The following SHC4 variants were observed in gnomAD, a reference collection of about 807,000 sequenced individuals.
SHC4 encodes the protein SHC-transforming protein 4.
A neutral mutation model predicts 69.4 loss-of-function variants in SHC4; 41 were observed. The observed-to-expected ratio is 0.59, with a 90% CI of 0.46 to 0.77. The LOEUF (loss-of-function observed/expected upper bound fraction) is 0.77. Ranked by LOEUF, SHC4 falls within the 30% of genes least tolerant of loss-of-function variation. The pLI, the probability that SHC4 is intolerant of heterozygous loss-of-function variation, is 0.00. For synonymous variants in SHC4, 318 were observed against 299.3 expected, an observed-to-expected ratio of 1.06 and a Z score of -0.64; for missense variants, 777 against 783.8, an observed-to-expected ratio of 0.99 and a Z score of 0.10.
chr15:48,893,184 C>T (rs1268934356), intron 2 of SHC4, among the ~76,000 whole-genome samples: 1 of 152,106 alleles, frequency 6.6e-6, no homozygotes, highest in Non-Finnish European at 1.5e-5. Context: ...AAAGGATGAA[C>T]CTTCCTGGCA....
chr15:48,884,432 G>T, intron 3 of SHC4, 65 bp from the exon 4 acceptor site: 1 of 1,402,834 alleles, frequency 7.1e-7, no homozygotes, highest in Non-Finnish European at 9.4e-7. Context: ...AAATGTTAAT[G>T]TTTTTTAAAT....
At chr15:48,960,972 ATAAATG>A (rs1301527768) in intron 1 of SHC4, among the ~76,000 whole-genome samples, 2 of 152,134 alleles carry the variant, frequency 1.3e-5, no homozygotes, top group African/African-American at 2.4e-5. Context: ...CCACTGCTCC[ATAAATG>A]TTCACTACTC....
chr15:48,923,547 A>G (rs989803165), intron 2 of SHC4, among the ~76,000 whole-genome samples: 1,890 of 36,752 alleles, frequency 0.051, 16 homozygotes, highest in Non-Finnish European at 0.091. Flanking sequence ...TCTGTCTCAA[A>G]AAAAAAAAAA....
chr15:48,883,456 G>A (rs1567060935), intron 4 of SHC4, among the ~76,000 whole-genome samples: 1 of 152,172 alleles, frequency 6.6e-6, no homozygotes. Context: ...ATTAAACCTT[G>A]ATCAACAGCA....
At chr15:48,826,706 T>C (rs1030634586) in intron 11 of SHC4, among the ~76,000 whole-genome samples, 2 of 152,202 alleles carry the variant, frequency 1.3e-5, no homozygotes, top group Non-Finnish European at 2.9e-5. Flanking sequence ...ACTATTTAAC[T>C]GGTTTGTATA....
intron 5 of SHC4, among the ~76,000 whole-genome samples, chr15:48,868,841 AAAAAG>A (rs1294463532): frequency 6.6e-6 from 1 of 152,232 alleles, no homozygotes; most frequent in Non-Finnish European, 1.5e-5. Context: ...TCTCTTACGC[AAAAAG>A]AAAAAAGGTT....
intron 8 of SHC4, among the ~76,000 whole-genome samples, chr15:48,854,795 C>A (rs1470219098): frequency 6.6e-6 from 1 of 152,090 alleles, no homozygotes; most frequent in Non-Finnish European, 1.5e-5. Flanking sequence ...AAGATGGCAA[C>A]AATTGACACT....
chr15:48,836,989 C>T (rs886109459), intron 10 of SHC4, among the ~76,000 whole-genome samples: 6 of 152,184 alleles, frequency 3.9e-5, no homozygotes, highest in African/African-American at 1.2e-4. Context: ...GTGCTGCCTG[C>T]TTTCAGGCAC....
At position 48,892,763 on chromosome 15, in the gene SHC4, T is replaced by C. The variant is rs928440168; in HGVS notation, c.657-1952A>G. 2.0e-5 allele frequency among the ~76,000 whole-genome samples: 3 copies of C among 151,054 alleles called. No individual in the cohort carries two copies. The Admixed American group carries it at 2.0e-4, about 10-fold the overall frequency. On this transcript the variant is annotated intron_variant, in intron 2 of 11. Transcript: ENST00000332408. ...CAGTAATCCCAGCTACTTGGGAGGC[T>C]GAGGCAGGAGAATCTCTTGAAGCCG... is the stretch of plus-strand genomic sequence containing the variant.
intron 2 of SHC4, among the ~76,000 whole-genome samples, chr15:48,901,572 C>T (rs1373703641): frequency 6.6e-6 from 1 of 152,098 alleles, no homozygotes. Flanking sequence ...ATACTATGTA[C>T]ATGAAACAGT....
Position 48,962,595 on chromosome 15 carries a change from C to T in SHC4, c.421G>A (p.Gly141Arg), listed in dbSNP as rs1901562624. Residue 141 changes from glycine to arginine, a missense_variant, in exon 1 of 12, where the codon GGG becomes AGG. By Grantham distance (125) the Gly-to-Arg change is moderately radical. Transcript: ENST00000332408. ...TCCTGCTGCGGTGGAGGTGCAGTCC[C>T]GGACCTACTTAAACTGGTTTCTGGG... The part of the protein sequence containing the change: ...SSPETSLSRS[G>R]TAPPPQQDLV... 2 of 1,613,648 alleles carry T rather than the reference C, an allele frequency of 1.2e-6. No individual in the cohort carries two copies. Among genetic ancestry groups the T allele is most frequent in the Non-Finnish European group, 1.7e-6 (2 of 1,179,776 alleles).
At chr15:48,922,046 G>A (rs7164843) in intron 2 of SHC4, among the ~76,000 whole-genome samples, 35,954 of 152,064 alleles carry the variant, frequency 0.24, 4,596 homozygotes, top group Non-Finnish European at 0.27. Context: ...AAGTAAACAT[G>A]CAATATTTTA....
chr15:48,876,769 C>T (rs896921303), intron 4 of SHC4: 15 of 454,392 alleles, frequency 3.3e-5, no homozygotes, highest in Non-Finnish European at 5.7e-5. Flanking sequence ...TGTGCCCAAC[C>T]AGATTAAGGG....
intron 4 of SHC4, chr15:48,877,978 A>G: frequency 1.8e-6 from 1 of 565,580 alleles, no homozygotes; most frequent in Non-Finnish European, 2.9e-6. Flanking sequence ...ACGTAGCTCA[A>G]AAGGCGACGC....
chr15:48,922,421 T>C (rs1017305020), intron 2 of SHC4, among the ~76,000 whole-genome samples: 1 of 152,148 alleles, frequency 6.6e-6, no homozygotes, highest in African/African-American at 2.4e-5. Context: ...ATAATAGAAA[T>C]GTATTTCTTA....
intron 2 of SHC4, among the ~76,000 whole-genome samples, chr15:48,911,242 G>T (rs570771157): frequency 7.9e-5 from 12 of 152,050 alleles, no homozygotes; most frequent in Non-Finnish European, 1.6e-4. Context: ...AAATTTGGGA[G>T]CTCCAGTGTT....
At chr15:48,943,838 A>G (rs182165095) in intron 1 of SHC4, among the ~76,000 whole-genome samples, 6 of 152,130 alleles carry the variant, frequency 3.9e-5, no homozygotes, top group African/African-American at 1.2e-4. Flanking sequence ...CATTTCCCTG[A>G]TGATCAGTAA....
chr15:48,856,173 C>T (rs1000540435), intron 7 of SHC4, 49 bp from the exon 8 acceptor site: 19 of 1,557,436 alleles, frequency 1.2e-5, no homozygotes, highest in Non-Finnish European at 1.7e-5. Flanking sequence ...AATTCAAATA[C>T]TGTAAGGGAT....
At chr15:48,830,054 T>C (rs1001252505) in intron 11 of SHC4, among the ~76,000 whole-genome samples, 2 of 152,238 alleles carry the variant, frequency 1.3e-5, no homozygotes, top group African/African-American at 2.4e-5. Flanking sequence ...AAGTAGTTAA[T>C]ACTAGAGAAG....
Sources: gnomAD v4.1 joint callset for allele counts (sites outside exome capture counted in the v4.1 genomes callset) on GRCh38, gnomAD v4.1.1 for gene constraint, MANE v1.5 for transcripts, NCBI Gene and HGNC (gene_info 2026-07-23, HGNC 2026-07-21) for gene names.